The following CNTNAP3B variants were observed in gnomAD, a reference collection of about 807,000 sequenced individuals.
CNTNAP3B encodes the protein contactin associated protein family member 3B.
In CNTNAP3B, 25 loss-of-function variants were observed where a neutral mutation model predicts 108.9. That is an observed-to-expected ratio of 0.23 (90% CI 0.17 to 0.32). The LOEUF (loss-of-function observed/expected upper bound fraction) is 0.32, where lower values mean the gene tolerates loss of function less well. Among genes scored for constraint, CNTNAP3B ranks in the 10% least tolerant of loss-of-function variants. The pLI, the probability that CNTNAP3B is intolerant of heterozygous loss-of-function variation, is 1.00. For missense variants in CNTNAP3B, 252 were observed against 1,210.4 expected (o/e 0.21, Z 11.75); for synonymous variants, 103 against 473.4 (o/e 0.22, Z 10.16).
At chr9:41,925,176 A>G (rs982391837) in intron 15 of CNTNAP3B, among the ~76,000 whole-genome samples, 4 of 149,876 alleles carry the variant, frequency 2.7e-5, no homozygotes, top group Non-Finnish European at 5.9e-5. Context: ...AAATTTTTTC[A>G]TCCAATGGTT....
chr9:41,918,743 T>A (rs896052865), intron 18 of CNTNAP3B, among the ~76,000 whole-genome samples: 3 of 145,544 alleles, frequency 2.1e-5, no homozygotes, highest in Non-Finnish European at 4.5e-5. Flanking sequence ...TGGGAATGAT[T>A]TAGAAATCAG....
intron 13 of CNTNAP3B, among the ~76,000 whole-genome samples, chr9:41,941,470 A>C (rs1484127010): frequency 6.6e-6 from 1 of 151,554 alleles, no homozygotes; most frequent in East Asian, 1.9e-4. Flanking sequence ...TTAAAAAAAA[A>C]TCACCAGGAA....
chr9:41,968,062 A>G (rs1825333952), intron 10 of CNTNAP3B, among the ~76,000 whole-genome samples: 1 of 152,262 alleles, frequency 6.6e-6, no homozygotes, highest in Non-Finnish European at 1.5e-5. Flanking sequence ...CTATAACAGT[A>G]AAAACAATAG....
intron 2 of CNTNAP3B, among the ~76,000 whole-genome samples, chr9:42,088,966 C>T (rs1827762686): frequency 1.5e-5 from 2 of 131,214 alleles, no homozygotes; most frequent in South Asian, 5.1e-4. Context: ...CCTGTAATCC[C>T]AGCACTTTGG....
intron 3 of CNTNAP3B, among the ~76,000 whole-genome samples, chr9:42,046,078 C>T (rs1826869439): frequency 7.9e-6 from 1 of 126,634 alleles, no homozygotes; most frequent in Non-Finnish European, 1.7e-5. Flanking sequence ...TCTTCCTCCC[C>T]ACAGTCAGTG....
intron 1 of CNTNAP3B, among the ~76,000 whole-genome samples, chr9:42,112,875 T>TTG (rs1429720480): frequency 7.9e-6 from 1 of 127,148 alleles, no homozygotes; most frequent in East Asian, 2.5e-4. Flanking sequence ...AGAGTTTTTT[T>TTG]TTTTTTTTTT....
At chr9:42,121,350 C>G (rs1180206699) in intron 1 of CNTNAP3B, among the ~76,000 whole-genome samples, 1 of 139,324 alleles carries the variant, frequency 7.2e-6, no homozygotes, top group Non-Finnish European at 1.5e-5. Context: ...CCTGCACAAA[C>G]GCCCATCACA....
At chr9:42,090,973 T>TACACACACAC (rs548325172) in intron 2 of CNTNAP3B, among the ~76,000 whole-genome samples, 2 of 37,750 alleles carry the variant, frequency 5.3e-5, no homozygotes, top group African/African-American at 7.2e-5. Context: ...TATATATATA[T>TACACACACAC]ACACACACAC....
intron 2 of CNTNAP3B, among the ~76,000 whole-genome samples, chr9:42,079,818 C>T (rs143698197): frequency 7.2e-6 from 1 of 137,952 alleles, no homozygotes; most frequent in African/African-American, 2.9e-5. Flanking sequence ...CTGGGCCCAG[C>T]CTATTTTATG....
intron 2 of CNTNAP3B, among the ~76,000 whole-genome samples, chr9:42,086,246 G>A (rs1324061676): frequency 2.1e-5 from 3 of 141,596 alleles, no homozygotes; most frequent in East Asian, 2.1e-4. Flanking sequence ...GGGGGAAACC[G>A]CCCCCATGAT....
chr9:41,959,460 C>T (rs79274964), intron 12 of CNTNAP3B, among the ~76,000 whole-genome samples: 17,396 of 146,182 alleles, frequency 0.12, 55 homozygotes, highest in South Asian at 0.18. Flanking sequence ...ACTTCCCTAA[C>T]CAACTTTTCT....
chr9:42,124,868 T>G (rs1311303163), intron 1 of CNTNAP3B, among the ~76,000 whole-genome samples: 2 of 134,982 alleles, frequency 1.5e-5, no homozygotes, highest in Non-Finnish European at 3.1e-5. Flanking sequence ...CTCATAATTG[T>G]TTTTTTTTCA....
rs1340183318 is a variant in CNTNAP3B at position 41,958,537 on chromosome 9, G to T, written c.1876+2236C>A. Among the ~76,000 whole-genome samples, 6 of 152,014 alleles carry T rather than the reference G, an allele frequency of 3.9e-5. No homozygotes were observed. The East Asian group carries it at 9.7e-4, about 25-fold the overall frequency. On this transcript the variant is annotated intron_variant, in intron 12 of 23. Coordinates refer to ENST00000377561, the MANE Select transcript of CNTNAP3B (RefSeq NM_001201380.3). ...AGTAACATGTGTGGGAAGGGGAAAG[G>T]TTCTGTAGTCCTGTGATTAGGTCTG...
At chr9:42,000,717 CTT>C (rs1413448638) in intron 4 of CNTNAP3B, among the ~76,000 whole-genome samples, 24 of 91,006 alleles carry the variant, frequency 2.6e-4, no homozygotes, top group Non-Finnish European at 3.6e-4. Context: ...CCTTGAAACT[CTT>C]TTGTTCTTTA....
chr9:42,096,315 C>A lies in CNTNAP3B; in HGVS notation c.196+8314G>T, dbSNP rs1393057907. On this transcript the variant is annotated intron_variant, in intron 2 of 23. Coordinates refer to ENST00000377561, the MANE Select transcript of CNTNAP3B (RefSeq NM_001201380.3). ...GGCAGTCCCCACCTCTCTATGCATACTATCGTGCAGTCCTGCTGAGGGTTC... is the reference window on the plus strand; with the variant it reads ...GGCAGTCCCCACCTCTCTATGCATAATATCGTGCAGTCCTGCTGAGGGTTC... 1.8e-4 allele frequency among the ~76,000 whole-genome samples: 25 copies of A among 140,002 alleles called. 5 individuals are homozygous for A. Among genetic ancestry groups the A allele is most frequent in the Admixed American group, 1.8e-3 (25 of 14,142 alleles). The allele number at this position is 140,002 out of a possible 152,430, so 91.8% of individuals were successfully genotyped here.
intron 2 of CNTNAP3B, among the ~76,000 whole-genome samples, chr9:42,098,033 A>G (rs1203990987): frequency 7.2e-6 from 1 of 138,324 alleles, no homozygotes; most frequent in Non-Finnish European, 1.5e-5. Flanking sequence ...TGGAAAAACG[A>G]GGGAGTGATA....
intron 2 of CNTNAP3B, 96 bp from the exon 3 acceptor site, chr9:42,077,158 A>G: frequency 1.5e-6 from 1 of 688,752 alleles, no homozygotes; most frequent in Non-Finnish European, 2.2e-6. Flanking sequence ...ATGAATATAT[A>G]TTAAGAAAAT....
intron 12 of CNTNAP3B, among the ~76,000 whole-genome samples, chr9:41,955,553 T>C (rs1266437605): frequency 2.4e-4 from 37 of 152,262 alleles, no homozygotes; most frequent in Non-Finnish European, 5.9e-5. Context: ...TTATTAGAGA[T>C]AGGGTCTCCC....
intron 13 of CNTNAP3B, among the ~76,000 whole-genome samples, chr9:41,938,656 A>G (rs879908674): frequency 1.2e-4 from 18 of 152,288 alleles, no homozygotes; most frequent in African/African-American, 1.9e-4. Context: ...AGTCAGTTGC[A>G]CGTGATACAT....
Sources: gnomAD v4.1 joint callset for allele counts (sites outside exome capture counted in the v4.1 genomes callset) on GRCh38, gnomAD v4.1.1 for gene constraint, MANE v1.5 for transcripts, NCBI Gene and HGNC (gene_info 2026-07-23, HGNC 2026-07-21) for gene names.